GPR137B: variants seen among roughly 807,000 people sequenced by gnomAD.
The protein encoded by GPR137B is G protein-coupled receptor 137B.
A neutral mutation model predicts 42.5 loss-of-function variants in GPR137B; 42 were observed. The observed-to-expected ratio is 0.99, with a 90% CI of 0.77 to 1.28. GPR137B has a LOEUF of 1.28. GPR137B is among the 50% of genes most tolerant of loss of function. The pLI is 0.00. For missense variants in GPR137B, 487 were observed against 493.9 expected, an observed-to-expected ratio of 0.99 and a Z score of 0.13; for synonymous variants, 218 against 209.7, an observed-to-expected ratio of 1.04 and a Z score of -0.34.
chr1:236,190,153 T>TCA (rs1347558587), intron 5 of GPR137B, among the ~76,000 whole-genome samples: 1 of 140,602 alleles, frequency 7.1e-6, no homozygotes, highest in African/African-American at 2.8e-5. Flanking sequence ...TTCTTCTTTT[T>TCA]TTTTTTTTTT....
intron 2 of GPR137B, among the ~76,000 whole-genome samples, chr1:236,178,063 T>A (rs1183873473): frequency 6.6e-6 from 1 of 152,168 alleles, no homozygotes; most frequent in African/African-American, 2.4e-5. Flanking sequence ...ATTCTAACAA[T>A]GTGGAGTTGT....
chr1:236,196,275 G>C (rs1663327691), intron 5 of GPR137B, among the ~76,000 whole-genome samples: 1 of 152,086 alleles, frequency 6.6e-6, no homozygotes, highest in Admixed American at 6.5e-5. Flanking sequence ...GAGTAGCTGG[G>C]ACTACAGGCA....
At chr1:236,164,710 T>G (rs2094045) in intron 1 of GPR137B, among the ~76,000 whole-genome samples, 21,360 of 152,156 alleles carry the variant, frequency 0.14, 4,101 homozygotes, top group African/African-American at 0.43. Flanking sequence ...ATATGTGCGT[T>G]TGTTGATATT....
At chr1:236,199,984 G>A (rs959379951) in intron 5 of GPR137B, among the ~76,000 whole-genome samples, 2 of 151,866 alleles carry the variant, frequency 1.3e-5, no homozygotes, top group African/African-American at 4.9e-5. Flanking sequence ...TTTGATGTAG[G>A]AATTTAATGC....
At chr1:236,167,359 G>A (rs970704621) in intron 1 of GPR137B, among the ~76,000 whole-genome samples, 2 of 152,138 alleles carry the variant, frequency 1.3e-5, no homozygotes, top group African/African-American at 4.8e-5. Flanking sequence ...AGCTCCCCAG[G>A]ACTTACTCAA....
At chr1:236,159,978 C>T (rs917620365) in intron 1 of GPR137B, among the ~76,000 whole-genome samples, 4 of 152,194 alleles carry the variant, frequency 2.6e-5, no homozygotes, top group African/African-American at 9.7e-5. Context: ...CGTGGCTCAG[C>T]CTTCAACAAG....
At chr1:236,177,718 G>A (rs1012242949) in intron 2 of GPR137B, among the ~76,000 whole-genome samples, 2 of 152,068 alleles carry the variant, frequency 1.3e-5, no homozygotes, top group African/African-American at 4.8e-5. Flanking sequence ...ACCACACCCA[G>A]CTAATTTTTG....
At chr1:236,153,131 G>A (rs1169748473) in intron 1 of GPR137B, among the ~76,000 whole-genome samples, 2 of 151,832 alleles carry the variant, frequency 1.3e-5, no homozygotes, top group Non-Finnish European at 2.9e-5. Flanking sequence ...AAGCAAAATT[G>A]ACACAATATG....
intron 6 of GPR137B, among the ~76,000 whole-genome samples, 175 bp from the exon 7 acceptor site, chr1:236,207,875 T>G (rs774278765): frequency 6.6e-6 from 1 of 152,120 alleles, no homozygotes; most frequent in Non-Finnish European, 1.5e-5. Flanking sequence ...CGGTGGGCAT[T>G]TCAGCCCTGT....
In GPR137B at chr1:236,168,590, T is replaced by C. The variant is rs74150310; in HGVS notation, c.415-116T>C. ...ATAACAAACGTGGACATTTCAATTA[T>C]AAAAAACGTGCCCAGCGCTGGGGGA... On this transcript the variant is annotated intron_variant, in intron 1 of 6. Transcript: ENST00000366592. 9,915 of 757,658 alleles carry C rather than the reference T, an allele frequency of 0.013. 586 individuals are homozygous for C. In the African/African-American group the frequency reaches 0.13, roughly 10 times the overall value. The allele number at this position is 757,658 out of a possible 1,614,324, so 46.9% of individuals were successfully genotyped here.
chr1:236,150,682 G>A lies in GPR137B; in HGVS notation c.414+7646G>A, dbSNP rs545555927. ...CTGCTGCCGGGTCACCATCAGGAGCGCCCTACTGTCGGCTCCGAACACTGT... is the reference window on the plus strand; with the variant it reads ...CTGCTGCCGGGTCACCATCAGGAGCACCCTACTGTCGGCTCCGAACACTGT... On this transcript the variant is annotated intron_variant, in intron 1 of 6. Transcript: ENST00000366592. The surrounding 1 kb of genome is among the most constrained non-coding windows in gnomAD (Gnocchi z 6.2). 8.5e-5 allele frequency among the ~76,000 whole-genome samples: 13 copies of A among 152,214 alleles called. No homozygotes were observed. Among genetic ancestry groups the A allele is most frequent in the African/African-American group, 2.2e-4 (9 of 41,462 alleles).
chr1:236,143,743 A>T (rs1218566006), intron 1 of GPR137B, among the ~76,000 whole-genome samples: 1 of 152,200 alleles, frequency 6.6e-6, no homozygotes, highest in Admixed American at 6.5e-5. Context: ...CACAAAAATC[A>T]CTTTATGGGG....
chr1:236,175,431 G>A (rs2102908075), intron 2 of GPR137B, among the ~76,000 whole-genome samples: 1 of 152,288 alleles, frequency 6.6e-6, no homozygotes, highest in South Asian at 2.1e-4. Flanking sequence ...CACCCACGAG[G>A]AATCATCTGG....
chr1:236,154,243 TG>T, intron 1 of GPR137B, among the ~76,000 whole-genome samples: 1 of 152,132 alleles, frequency 6.6e-6, no homozygotes, highest in East Asian at 1.9e-4. Flanking sequence ...CAGCGAATCG[TG>T]GGGTCCAGAC....
chr1:236,164,621 G>A (rs1429023478), intron 1 of GPR137B, among the ~76,000 whole-genome samples: 1 of 152,230 alleles, frequency 6.6e-6, no homozygotes, highest in African/African-American at 2.4e-5. Flanking sequence ...AGGGGAGTGG[G>A]TGGGAGAGTT....
intron 2 of GPR137B, among the ~76,000 whole-genome samples, chr1:236,177,249 C>T (rs988436436): frequency 6.6e-6 from 1 of 152,130 alleles, no homozygotes; most frequent in Non-Finnish European, 1.5e-5. Context: ...TGCAGCTGGG[C>T]ATGGACCTGG....
intron 5 of GPR137B, among the ~76,000 whole-genome samples, chr1:236,197,921 A>G (rs957069163): frequency 5.9e-5 from 9 of 152,096 alleles, no homozygotes; most frequent in African/African-American, 1.4e-4. Context: ...AGGTTTCACT[A>G]TGTTGACCAG....
chr1:236,178,586 C>G lies in GPR137B; in HGVS notation c.637C>G (p.Leu213Val). 1 of 1,612,782 alleles carries G rather than the reference C, an allele frequency of 6.2e-7. No individual in the cohort carries two copies. The highest frequency in any genetic ancestry group is 1.7e-5 in the Admixed American group (1 of 59,986). The change falls in exon 3 of 7, where the codon CTC becomes GTC. Residue 213 changes from leucine (L) to valine (V), a missense_variant. By Grantham distance (32) the Leu-to-Val change is conservative (BLOSUM62 1). Transcript: ENST00000366592. ...GTGTGCCGTCTCTCTCTCCATCTGTCTCTACAAAATCTCTAAGATGTCCTT... is the reference window on the plus strand; with the variant it reads ...GTGTGCCGTCTCTCTCTCCATCTGTGTCTACAAAATCTCTAAGATGTCCTT... ...VLCAVSLSIC[L>V]YKISKMSLAN...
At chr1:236,187,356 T>C (rs186869573) in intron 5 of GPR137B, among the ~76,000 whole-genome samples, 101 of 152,348 alleles carry the variant, frequency 6.6e-4, no homozygotes, top group African/African-American at 2.3e-3. Context: ...TTTGTCAATT[T>C]TGGCTTTTGT....
Sources: gnomAD v4.1 joint callset for allele counts (sites outside exome capture counted in the v4.1 genomes callset) on GRCh38, gnomAD v4.1.1 for gene constraint, Gnocchi (gnomAD v3.1) non-coding constraint, MANE v1.5 for transcripts, NCBI Gene and HGNC (gene_info 2026-07-23, HGNC 2026-07-21) for gene names.